FREM1: variants seen among roughly 807,000 people sequenced by gnomAD.
The protein encoded by FREM1 is FRAS1 related extracellular matrix 1, also known as FRAS1-related extracellular matrix protein 1.
Under a neutral mutation model 210.1 loss-of-function variants are expected in FREM1, and 220 were observed. The observed-to-expected ratio is 1.05, with a 90% CI of 0.94 to 1.17. The LOEUF is 1.17. FREM1 is among the 50% of genes most tolerant of loss of function. FREM1 has a pLI of 0.00. For synonymous variants in FREM1, 1,189 were observed against 980.2 expected (o/e 1.21, Z -3.98); for missense variants, 3,454 against 2,675.5 (o/e 1.29, Z -6.42).
At chr9:14,821,836 G>A (rs977026493) in intron 13 of FREM1, among the ~76,000 whole-genome samples, 4 of 152,200 alleles carry the variant, frequency 2.6e-5, no homozygotes, top group Non-Finnish European at 4.4e-5. Flanking sequence ...TTCAAGGGAA[G>A]CTAGGAATCA....
At chr9:14,781,956 C>T (rs1478206454) in intron 24 of FREM1, among the ~76,000 whole-genome samples, 8 of 152,224 alleles carry the variant, frequency 5.3e-5, no homozygotes, top group African/African-American at 1.2e-4. Flanking sequence ...CCACCTGCCT[C>T]GTCCTCCTAA....
At chr9:14,765,847 A>C (rs1846296711) in intron 27 of FREM1, among the ~76,000 whole-genome samples, 1 of 152,218 alleles carries the variant, frequency 6.6e-6, no homozygotes, top group South Asian at 2.1e-4. Context: ...TTTGAAGTTC[A>C]CTTTTCTCCA....
chr9:14,890,144 C>T (rs1259781088), intron 1 of FREM1, among the ~76,000 whole-genome samples: 8 of 152,198 alleles, frequency 5.3e-5, no homozygotes, highest in Non-Finnish European at 1.2e-4. Context: ...CACCACATGC[C>T]ACTTCTCAAA....
At chr9:14,748,209 C>A (rs1029306308) in intron 31 of FREM1, among the ~76,000 whole-genome samples, 192 bp downstream of exon 31, 6 of 152,200 alleles carry the variant, frequency 3.9e-5, no homozygotes, top group Admixed American at 2.0e-4. Context: ...CACCTCAGTA[C>A]AATTAAAGAA....
Position 14,750,283 on chromosome 9 carries a change from G to T in FREM1, c.5408-7C>A. On this transcript the variant is annotated splice_polypyrimidine_tract_variant and splice_region_variant and intron_variant, in intron 29 of 36. Coordinates refer to ENST00000380880, the MANE Select transcript of FREM1 (RefSeq NM_001379081.2). Reference sequence around the variant, plus strand: ...CACATCTTAGTTGACATTCCTACAAGAAGTAAACATTTTAATTACTCTTTA... The same window carrying T: ...CACATCTTAGTTGACATTCCTACAATAAGTAAACATTTTAATTACTCTTTA... The T allele has an allele frequency of 6.3e-7, 1 of 1,599,204 alleles. No individual in the cohort carries two copies. The highest frequency in any genetic ancestry group is 8.5e-7 in the Non-Finnish European group (1 of 1,169,942).
intron 13 of FREM1, among the ~76,000 whole-genome samples, chr9:14,819,713 T>C (rs957892696): frequency 2.0e-5 from 3 of 152,250 alleles, no homozygotes; most frequent in African/African-American, 4.8e-5. Context: ...ATAGCCTGTA[T>C]AGTAGAATTG....
intron 19 of FREM1, among the ~76,000 whole-genome samples, chr9:14,803,154 T>C (rs1167835667): frequency 7.4e-6 from 1 of 135,310 alleles, no homozygotes; most frequent in Non-Finnish European, 1.6e-5. Context: ...TCCCCTTCCT[T>C]CCTTCATCTT....
intron 10 of FREM1, among the ~76,000 whole-genome samples, chr9:14,833,093 C>A (rs1823876145): frequency 6.6e-6 from 1 of 152,034 alleles, no homozygotes; most frequent in East Asian, 1.9e-4. Flanking sequence ...TGGCTGTCTT[C>A]TTGTGCTAAG....
chr9:14,865,339 G>C (rs934990472), intron 2 of FREM1, among the ~76,000 whole-genome samples: 2 of 152,180 alleles, frequency 1.3e-5, no homozygotes, highest in Admixed American at 6.5e-5. Context: ...CCTAAAACAT[G>C]AGGAAAACAT....
intron 10 of FREM1, among the ~76,000 whole-genome samples, chr9:14,825,470 A>G (rs1330222751): frequency 6.9e-6 from 1 of 145,926 alleles, no homozygotes. Context: ...CCTGGATGAC[A>G]AGAATGAGAC....
chr9:14,792,303 C>G (rs72711316), intron 22 of FREM1, among the ~76,000 whole-genome samples: 4,953 of 137,668 alleles, frequency 0.036, 97 homozygotes, highest in African/African-American at 0.054. Context: ...CACACACACA[C>G]AGAGAGAGAG....
intron 27 of FREM1, 148 bp from the exon 28 acceptor site, chr9:14,760,049 C>T (rs568914102): frequency 1.9e-6 from 1 of 514,876 alleles, no homozygotes; most frequent in East Asian, 3.0e-5. Flanking sequence ...CATTTTAGTT[C>T]ACAAAGAATG....
In FREM1 at chr9:14,801,834, A is replaced by C. The variant is rs1588070226; in HGVS notation, c.3512T>G (p.Ile1171Ser). 1 of 1,613,924 alleles carries C rather than the reference A, an allele frequency of 6.2e-7. No individual in the cohort carries two copies. The highest frequency in any genetic ancestry group is 8.5e-7 in the Non-Finnish European group (1 of 1,179,874). Reference protein sequence around the residue: ...GQMKELDSSIISAVDLDIPQD... With the variant: ...GQMKELDSSISSAVDLDIPQD... Reference sequence around the variant, plus strand: ...GGGAATGTCCAGGTCCACAGCGCTGATGATGGAAGAGTCCAGCTCTTTCAT... The same window carrying C: ...GGGAATGTCCAGGTCCACAGCGCTGCTGATGGAAGAGTCCAGCTCTTTCAT... Residue 1171 changes from isoleucine (I) to serine (S), a missense_variant, in exon 20 of 37, where the codon ATC becomes AGC. Ile to Ser is a moderately radical substitution (Grantham distance 142). Transcript: ENST00000380880.
At position 14,876,374 on chromosome 9, in the gene FREM1, G is replaced by A. The variant is rs529949381; in HGVS notation, c.-267-7130C>T. On this transcript the variant is annotated intron_variant, in intron 1 of 36. Coordinates refer to ENST00000380880, the MANE Select transcript of FREM1 (RefSeq NM_001379081.2). ...CTGCTTTGTTTACCTAAGCAAGCCT[G>A]GGCAATGGCGGGCGCCCCTCCCCCA... 6.3e-3 allele frequency among the ~76,000 whole-genome samples: 955 copies of A among 152,218 alleles called. 11 individuals are homozygous for A. Among genetic ancestry groups the A allele is most frequent in the African/African-American group, 0.021 (885 of 41,536 alleles).
chr9:14,845,951 A>C lies in FREM1; in HGVS notation c.1393+9T>G. The C allele has an allele frequency of 6.2e-7, 1 of 1,613,294 alleles. No homozygotes were observed. Among genetic ancestry groups the C allele is most frequent in the Non-Finnish European group, 8.5e-7 (1 of 1,179,462 alleles). Reference sequence around the variant, plus strand: ...ATTCTTTGCTAGGTTACCAAGTTGGATCATTCACCTCTTAAAGTCAGCCAT... The same window carrying C: ...ATTCTTTGCTAGGTTACCAAGTTGGCTCATTCACCTCTTAAAGTCAGCCAT... On this transcript the variant is annotated intron_variant, in intron 8 of 36. Transcript: ENST00000380880.
intron 22 of FREM1, among the ~76,000 whole-genome samples, chr9:14,791,919 C>A (rs1295505915): frequency 6.7e-6 from 1 of 150,024 alleles, no homozygotes. Context: ...TGCAACCTCT[C>A]CCCCCTCTCC....
chr9:14,869,985 A>T (rs1228153212), intron 1 of FREM1, among the ~76,000 whole-genome samples: 1 of 152,200 alleles, frequency 6.6e-6, no homozygotes, highest in Non-Finnish European at 1.5e-5. Context: ...CTTTGTTTCC[A>T]CTTTATCCAC....
intron 22 of FREM1, among the ~76,000 whole-genome samples, chr9:14,791,925 T>C (rs2201379): frequency 0.96 from 145,911 of 151,970 alleles, 70,251 homozygotes; most frequent in Non-Finnish European, 1. Context: ...CTCTCCCCCC[T>C]CTCCCGGGTT....
In FREM1 at chr9:14,851,861, T is replaced by C. The variant is rs939601461; in HGVS notation, c.829-254A>G. Among the ~76,000 whole-genome samples, 6 of 152,302 alleles carry C rather than the reference T, an allele frequency of 3.9e-5. No homozygotes were observed. In the East Asian group the frequency reaches 5.8e-4, roughly 15 times the overall value. On this transcript the variant is annotated intron_variant, in intron 5 of 36. Coordinates refer to ENST00000380880, the MANE Select transcript of FREM1 (RefSeq NM_001379081.2). The stretch of plus-strand genomic sequence containing the variant: ...TATTTCTCGAGCTCCCTGGTGACTC[T>C]TACATGCAGCCAGGTGAAGAAGGGA...
Sources: gnomAD v4.1 joint callset for allele counts (sites outside exome capture counted in the v4.1 genomes callset) on GRCh38, gnomAD v4.1.1 for gene constraint, MANE v1.5 for transcripts, NCBI Gene and HGNC (gene_info 2026-07-23, HGNC 2026-07-21) for gene names.